Variants in ZNF423 observed in about 807,000 individuals in gnomAD.
The protein encoded by ZNF423 is zinc finger protein 423, also known as Ebf-associated zinc finger protein.
A neutral mutation model predicts 95.8 loss-of-function variants in ZNF423; 12 were observed. That is an observed-to-expected ratio of 0.13 (90% CI 0.08 to 0.20). The LOEUF (loss-of-function observed/expected upper bound fraction) is 0.20, where lower values mean the gene tolerates loss of function less well. Among genes scored for constraint, ZNF423 ranks in the 10% least tolerant of loss-of-function variants. The pLI is 1.00. For missense variants in ZNF423, 1,316 were observed against 1,737.1 expected (o/e 0.76, Z 4.31); for synonymous variants, 749 against 711.9 (o/e 1.05, Z -0.83).
intron 2 of ZNF423, among the ~76,000 whole-genome samples, chr16:49,753,824 A>G (rs1459345019): frequency 6.6e-6 from 1 of 152,178 alleles, no homozygotes; most frequent in Non-Finnish European, 1.5e-5. Flanking sequence ...TGAGGTCAGG[A>G]GTTCGAGACC....
At chr16:49,560,035 G>A (rs996256632) in intron 5 of ZNF423, among the ~76,000 whole-genome samples, 1 of 152,204 alleles carries the variant, frequency 6.6e-6, no homozygotes, top group Non-Finnish European at 1.5e-5. Flanking sequence ...TAGCCTGAGA[G>A]CAGGGTACCG....
intron 1 of ZNF423, among the ~76,000 whole-genome samples, chr16:49,838,763 C>G (rs1212350563): frequency 6.6e-6 from 1 of 151,836 alleles, no homozygotes; most frequent in Non-Finnish European, 1.5e-5. Context: ...GCCGCGTGAG[C>G]GAGCTGCGCA....
chr16:49,495,778 C>T (rs1049595602), intron 7 of ZNF423, among the ~76,000 whole-genome samples: 3 of 152,210 alleles, frequency 2.0e-5, no homozygotes, highest in Non-Finnish European at 4.4e-5. Context: ...CCTGGCTCAG[C>T]CCACCTCCAT....
chr16:49,807,169 C>T (rs2034677571), intron 1 of ZNF423, among the ~76,000 whole-genome samples: 1 of 152,168 alleles, frequency 6.6e-6, no homozygotes, highest in Non-Finnish European at 1.5e-5. Flanking sequence ...CGGTGGCTCA[C>T]GCCTGTAATT....
At chr16:49,766,744 C>T (rs1861333) in intron 2 of ZNF423, among the ~76,000 whole-genome samples, 6 of 152,074 alleles carry the variant, frequency 3.9e-5, no homozygotes, top group African/African-American at 9.7e-5. Flanking sequence ...CAGTGCAGAC[C>T]GAGCCTCGGT....
rs545331262 is a variant in ZNF423 at position 49,598,315 on chromosome 16, T to G, written c.3601+27855A>C. 2.0e-5 allele frequency among the ~76,000 whole-genome samples: 3 copies of G among 152,380 alleles called. No individual in the cohort carries two copies. The South Asian group carries it at 6.2e-4, about 32-fold the overall frequency. ...GTCACATGGGAACAATAACTCCTAC[T>G]TTATAAAACTTTGAGGGAAAACTGC... On this transcript the variant is annotated intron_variant, in intron 5 of 7. Transcript: ENST00000563137.
chr16:49,679,598 T>A (rs8043906), intron 3 of ZNF423, among the ~76,000 whole-genome samples: 1 of 152,364 alleles, frequency 6.6e-6, no homozygotes, highest in Admixed American at 6.5e-5. Flanking sequence ...TTGGTGCAGA[T>A]GAGCATGGGA....
chr16:49,702,270 C>T (rs958025527), intron 3 of ZNF423, among the ~76,000 whole-genome samples: 2 of 152,194 alleles, frequency 1.3e-5, no homozygotes, highest in East Asian at 1.9e-4. Flanking sequence ...AGTCTCTGAA[C>T]GCTGGAACCG....
At chr16:49,587,515 G>A (rs1229478600) in intron 5 of ZNF423, among the ~76,000 whole-genome samples, 1 of 152,158 alleles carries the variant, frequency 6.6e-6, no homozygotes, top group Non-Finnish European at 1.5e-5. Context: ...TGAGTCAGAA[G>A]CACTGAGACA....
intron 3 of ZNF423, among the ~76,000 whole-genome samples, chr16:49,642,096 C>T (rs1972992782): frequency 6.6e-6 from 1 of 152,228 alleles, no homozygotes; most frequent in South Asian, 2.1e-4. Flanking sequence ...ACAATATTAA[C>T]AGCTCCATTT....
intron 1 of ZNF423, among the ~76,000 whole-genome samples, chr16:49,849,929 A>G (rs2035285257): frequency 6.6e-6 from 1 of 152,200 alleles, no homozygotes; most frequent in Non-Finnish European, 1.5e-5. Flanking sequence ...CTGACAATAC[A>G]ATAGCTTTCA....
rs959731989 is a variant in ZNF423 at position 49,525,302 on chromosome 16, A to G, written c.3733+61T>C. 4 of 1,594,250 alleles carry G rather than the reference A, an allele frequency of 2.5e-6. No individual in the cohort carries two copies. The African/African-American group carries it at 4.0e-5, about 16-fold the overall frequency. ...AGAGCACACACTGGGATCCCGCAAT[A>G]ACAGGGCAGGGCTCCTGTGTTCATC... On this transcript the variant is annotated intron_variant, in intron 6 of 7. Transcript: ENST00000563137.
intron 4 of ZNF423, among the ~76,000 whole-genome samples, chr16:49,631,411 A>C (rs1303999624): frequency 1.4e-5 from 2 of 145,004 alleles, no homozygotes; most frequent in Admixed American, 6.8e-5. Context: ...GTCTATCCCC[A>C]CTCTCAACCC....
At chr16:49,693,259 G>A (rs751071965) in intron 3 of ZNF423, among the ~76,000 whole-genome samples, 1 of 152,198 alleles carries the variant, frequency 6.6e-6, no homozygotes, top group Non-Finnish European at 1.5e-5. Flanking sequence ...CCACAGAAAT[G>A]AGCAGGGTGT....
chr16:49,566,465 T>TA (rs1362672800), intron 5 of ZNF423, among the ~76,000 whole-genome samples: 7 of 152,016 alleles, frequency 4.6e-5, no homozygotes, highest in Admixed American at 4.6e-4. Context: ...GAGGAGGGGC[T>TA]ATGAAAGACT....
At position 49,722,185 on chromosome 16, in the gene ZNF423, G is replaced by A. The variant is rs1046542418; in HGVS notation, c.301+8586C>T. ...GGATGGTTCCCCATCAGAAGCCATC[G>A]GAGGGCAGGGGGCAGGCAATTTAGG... On this transcript the variant is annotated intron_variant, in intron 3 of 7. Coordinates refer to ENST00000563137, the MANE Select transcript of ZNF423 (RefSeq NM_001379286.1). Among the ~76,000 whole-genome samples, 8 of 152,136 alleles carry A rather than the reference G, an allele frequency of 5.3e-5. No homozygotes were observed. In the East Asian group the frequency reaches 1.2e-3, roughly 22 times the overall value.
At position 49,584,041 on chromosome 16, in the gene ZNF423, C is replaced by G. The variant is rs1381458618; in HGVS notation, c.3601+42129G>C. On this transcript the variant is annotated intron_variant, in intron 5 of 7. Coordinates refer to ENST00000563137, the MANE Select transcript of ZNF423 (RefSeq NM_001379286.1). ...AGCTCTGATAACCACAAAGCATTGT[C>G]TTCCAAGCTTAAAAAGTCCCTTTTG... 3.3e-5 allele frequency among the ~76,000 whole-genome samples: 5 copies of G among 152,210 alleles called. No individual in the cohort carries two copies. In the South Asian group the frequency reaches 6.2e-4, roughly 19 times the overall value.
intron 7 of ZNF423, among the ~76,000 whole-genome samples, chr16:49,503,726 C>T (rs1202677913): frequency 1.3e-5 from 2 of 152,196 alleles, no homozygotes; most frequent in Admixed American, 6.5e-5. Context: ...ACACCATCAG[C>T]GCAACAAGAC....
intron 3 of ZNF423, among the ~76,000 whole-genome samples, chr16:49,721,110 G>A (rs1014251968): frequency 6.6e-6 from 1 of 152,226 alleles, no homozygotes; most frequent in Non-Finnish European, 1.5e-5. Flanking sequence ...CAGTGTCTCT[G>A]GAGGCCCTGG....
Sources: allele counts gnomAD v4.1 joint callset (sites outside exome capture counted in the v4.1 genomes callset), GRCh38; gene constraint gnomAD v4.1.1; transcripts MANE v1.5; gene names NCBI Gene and HGNC (gene_info 2026-07-23, HGNC 2026-07-21).